The following RBM33 variants were observed in gnomAD, a reference collection of about 807,000 sequenced individuals.
The protein encoded by RBM33 is RNA binding motif protein 33.
RBM33 carries 28 observed loss-of-function variants against 132.6 expected under a neutral mutation model. The observed-to-expected ratio is 0.21, with a 90% confidence interval of 0.16 to 0.29. The LOEUF (loss-of-function observed/expected upper bound fraction) is 0.29, where lower values mean the gene tolerates loss of function less well. Ranked by LOEUF, RBM33 falls within the 10% of genes least tolerant of loss-of-function variation. The probability of loss-of-function intolerance (pLI) is 1.00; values close to 1 mark genes in which losing one functional copy is unlikely to be tolerated. For synonymous variants in RBM33, 634 were observed against 593.0 expected (o/e 1.07, Z -1.01); for missense variants, 1,291 against 1,518.5 (o/e 0.85, Z 2.49).
Position 155,673,946 on chromosome 7 carries a change from T to TTTTTG in RBM33, c.171+1035_171+1036insGTTTT, listed in dbSNP as rs1563138347. Among the ~76,000 whole-genome samples the TTTTTG allele has an allele frequency of 3.5e-4, 9 of 25,764 alleles. 1 individual carries two copies. In the East Asian group the frequency reaches 9.3e-3, roughly 27 times the overall value. The allele number at this position is 25,764 out of a possible 152,430, so 16.9% of individuals were successfully genotyped here. A position where few individuals can be genotyped will look rare whatever the true frequency, so the allele number is the denominator to read the frequency against. On this transcript the variant is annotated intron_variant, in intron 3 of 17. Coordinates refer to ENST00000401878, the MANE Select transcript of RBM33 (RefSeq NM_053043.3). ...TCAAGATAGTTTAGGCTTAGTTTTT[T>TTTTTG]TTTTTTTTTTTTTTTTTTTTTTTTT...
At chr7:155,672,569 A>G (rs535533109) in intron 2 of RBM33, among the ~76,000 whole-genome samples, 1 of 152,284 alleles carries the variant, frequency 6.6e-6, no homozygotes, top group South Asian at 2.1e-4. Context: ...AGCCTGGCCA[A>G]CATGGTGAAA....
At position 155,745,622 on chromosome 7, in the gene RBM33, G is replaced by T; in HGVS notation, c.2979+20G>T. The stretch of plus-strand genomic sequence containing the variant: ...GGTGGGGTAAGTTGACAAGTTTTAT[G>T]AGAGCCTCTTTGAGTCTGTGTATCA... On this transcript the variant is annotated intron_variant, in intron 14 of 17. Transcript: ENST00000401878. The surrounding 1 kb of genome is among the most constrained non-coding windows in gnomAD (Gnocchi z 4.1). The T allele has an allele frequency of 6.5e-7, 1 of 1,546,186 alleles. No homozygotes were observed. The highest frequency in any genetic ancestry group is 8.7e-7 in the Non-Finnish European group (1 of 1,146,446).
chr7:155,756,411 G>C (rs1357996731), intron 14 of RBM33, among the ~76,000 whole-genome samples: 1 of 152,174 alleles, frequency 6.6e-6, no homozygotes, highest in Non-Finnish European at 1.5e-5. Flanking sequence ...TTGTTTCTCA[G>C]ATGTAATCAG....
In RBM33 at chr7:155,745,264, G is replaced by A. The variant is rs1157159298; in HGVS notation, c.2641G>A (p.Val881Ile). 6.2e-7 allele frequency: 1 copy of A among 1,612,760 alleles called. No homozygotes were observed. The highest frequency in any genetic ancestry group is 8.5e-7 in the Non-Finnish European group (1 of 1,179,410). The change falls in exon 14 of 18, where the codon GTC (valine) becomes ATC (isoleucine). Residue 881 changes from valine to isoleucine, a missense_variant. Around this residue, in one of 7 missense-constraint regions of RBM33, gnomAD observed 841 missense variants for 912.0 expected, o/e 0.92. Coordinates refer to ENST00000401878, the MANE Select transcript of RBM33 (RefSeq NM_053043.3). This position sits in a 1 kb window ranked among gnomAD's most constrained non-coding sequence, Gnocchi z 4.1. ...KNRLLVKNQD[V>I]SISNVQPKTS... ...CAGACTTCTTGTTAAAAACCAGGAT[G>A]TCAGTATTTCAAACGTTCAGCCCAA...
chr7:155,645,548 A>C (rs1044464581), intron 1 of RBM33, among the ~76,000 whole-genome samples: 1 of 152,232 alleles, frequency 6.6e-6, no homozygotes, highest in Non-Finnish European at 1.5e-5. Context: ...AAAGGTTTAG[A>C]TACTGAGTCA....
chr7:155,661,759 G>A (rs1309933313), intron 1 of RBM33, among the ~76,000 whole-genome samples: 2 of 151,856 alleles, frequency 1.3e-5, no homozygotes, highest in Non-Finnish European at 2.9e-5. Flanking sequence ...ATTTTCTTTC[G>A]GTTTTTTGAT....
intron 5 of RBM33, chr7:155,685,118 CA>C: frequency 1.3e-6 from 2 of 1,482,458 alleles, no homozygotes; most frequent in Non-Finnish European, 1.8e-6. Context: ...TTAAAATGAG[CA>C]TCTTTTTAGC....
chr7:155,691,946 G>A (rs964864960), intron 5 of RBM33, among the ~76,000 whole-genome samples: 1 of 151,946 alleles, frequency 6.6e-6, no homozygotes, highest in African/African-American at 2.4e-5. Flanking sequence ...AGCTACTCAG[G>A]AGGCTGAGGT....
At chr7:155,739,588 TA>T in intron 11 of RBM33, 126 bp from the exon 12 acceptor site, 1 of 1,034,452 alleles carries the variant, frequency 9.7e-7, no homozygotes, top group Non-Finnish European at 1.4e-6. Flanking sequence ...TCAGCAAGTC[TA>T]AAATGAAGTT....
At chr7:155,761,782 G>A (rs1802045004) in intron 14 of RBM33, among the ~76,000 whole-genome samples, 1 of 152,016 alleles carries the variant, frequency 6.6e-6, no homozygotes, top group Admixed American at 6.5e-5. Context: ...GCTTTTCGCT[G>A]TCATCTTTAT....
At chr7:155,669,413 T>C (rs1330911975) in intron 2 of RBM33, among the ~76,000 whole-genome samples, 1 of 152,192 alleles carries the variant, frequency 6.6e-6, no homozygotes, top group East Asian at 1.9e-4. Context: ...AGTGCAGTGG[T>C]GCGATATCAG....
At chr7:155,740,917 G>A (rs1053775756) in intron 12 of RBM33, among the ~76,000 whole-genome samples, 3 of 152,128 alleles carry the variant, frequency 2.0e-5, no homozygotes, top group Admixed American at 6.5e-5. Flanking sequence ...AAGAGACACA[G>A]TGTGGTCAGT....
intron 14 of RBM33, among the ~76,000 whole-genome samples, chr7:155,758,960 G>A (rs997750626): frequency 4.6e-5 from 7 of 152,256 alleles, no homozygotes; most frequent in Middle Eastern, 3.4e-3. Flanking sequence ...GGGGTGCAGC[G>A]GCAGGCCCAG....
Position 155,731,422 on chromosome 7 carries a change from A to G in RBM33, c.1261-6108A>G, listed in dbSNP as rs1476752516. 1.3e-5 allele frequency among the ~76,000 whole-genome samples: 2 copies of G among 152,246 alleles called. 1 individual carries two copies. The highest frequency in any genetic ancestry group is 4.8e-5 in the African/African-American group (2 of 41,458). ...ATGAACAGCAATAGCTAATCATACA[A>G]TAAAACAGTTATTACTCTTGCATTT... is the stretch of plus-strand genomic sequence containing the variant. On this transcript the variant is annotated intron_variant, in intron 9 of 17. Transcript: ENST00000401878.
intron 1 of RBM33, among the ~76,000 whole-genome samples, chr7:155,647,530 A>C (rs1798234361): frequency 6.6e-6 from 1 of 152,140 alleles, no homozygotes; most frequent in African/African-American, 2.4e-5. Context: ...TCCTGGGCTC[A>C]GTTGATTCTC....
rs1585565257 is a variant in RBM33 at position 155,779,734 on chromosome 7, G to C, written c.*4693G>C. Reference sequence around the variant, plus strand: ...CCGTTTGCCTCACACATTGTAACCTGCCTTGGCTAGAAAATGCTTTTAATG... The same window carrying C: ...CCGTTTGCCTCACACATTGTAACCTCCCTTGGCTAGAAAATGCTTTTAATG... On this transcript the variant is annotated 3_prime_UTR_variant, in exon 18 of 18. Transcript: ENST00000401878. 1 of 152,138 alleles carries C rather than the reference G, an allele frequency of 6.6e-6. No individual in the cohort carries two copies. Among genetic ancestry groups the C allele is most frequent in the African/African-American group, 2.4e-5 (1 of 41,422 alleles). The allele number at this position is 152,138 out of a possible 1,614,324, so 9.4% of individuals were successfully genotyped here. A position where few individuals can be genotyped will look rare whatever the true frequency, so the allele number is the denominator to read the frequency against.
intron 9 of RBM33, among the ~76,000 whole-genome samples, chr7:155,718,724 T>C (rs770991966): frequency 5.9e-5 from 9 of 152,176 alleles, no homozygotes; most frequent in Non-Finnish European, 1.3e-4. Context: ...TATTGCCTTA[T>C]GTTAGTGAGA....
rs764910992 is a variant in RBM33, at chr7:155,745,401, G to T, written c.2778G>T (p.Pro926=). 6 of 1,613,470 alleles carry T rather than the reference G, an allele frequency of 3.7e-6. No individual in the cohort carries two copies. The highest frequency in any genetic ancestry group is 2.2e-5 in the South Asian group (2 of 90,910). The change falls in exon 14 of 18, where the codon CCG becomes CCT. Residue 926 remains proline (P), a synonymous_variant. Coordinates refer to ENST00000401878, the MANE Select transcript of RBM33 (RefSeq NM_053043.3). The surrounding 1 kb of genome is among the most constrained non-coding windows in gnomAD (Gnocchi z 4.1). Reference sequence around the variant, plus strand: ...CAGTTCCTCAAAGTCAGACTCAGCCGCTGCATAAAGTGCTCCCGATCAAAC... The same window carrying T: ...CAGTTCCTCAAAGTCAGACTCAGCCTCTGCATAAAGTGCTCCCGATCAAAC... ...TRTVPQSQTQ[P]LHKVLPIKPA... is the part of the protein sequence containing the mutation.
intron 1 of RBM33, among the ~76,000 whole-genome samples, chr7:155,647,505 A>G (rs1798233069): frequency 6.6e-6 from 1 of 152,116 alleles, no homozygotes; most frequent in African/African-American, 2.4e-5. Flanking sequence ...ATCATGGCTA[A>G]TTGCAGCCTT....
Sources: gnomAD v4.1 joint callset for allele counts (sites outside exome capture counted in the v4.1 genomes callset) on GRCh38, gnomAD v4.1.1 for gene constraint, gnomAD v4.1.1 regional missense constraint, Gnocchi (gnomAD v3.1) non-coding constraint, MANE v1.5 for transcripts, NCBI Gene and HGNC (gene_info 2026-07-23, HGNC 2026-07-21) for gene names.